GRIP2: variants seen among roughly 807,000 people sequenced by gnomAD.
GRIP2 encodes the protein glutamate receptor-interacting protein 2.
A neutral mutation model predicts 108.3 loss-of-function variants in GRIP2; 58 were observed. That is an observed-to-expected ratio of 0.54 (90% CI 0.43 to 0.67). The LOEUF is 0.67. Among genes scored for constraint, GRIP2 ranks in the 30% least tolerant of loss-of-function variants. The pLI, the probability that GRIP2 is intolerant of heterozygous loss-of-function variation, is 0.00. For synonymous variants in GRIP2, 586 were observed against 598.2 expected (o/e 0.98, Z 0.30); for missense variants, 1,278 against 1,430.6 (o/e 0.89, Z 1.72).
the GRIP2 span, among the ~76,000 whole-genome samples, chr3:14,587,414 T>C: frequency 1.3e-5 from 2 of 152,052 alleles, no homozygotes; most frequent in Middle Eastern, 3.4e-3. Context: ...GTGGATCACC[T>C]GAGGTCAGGA....
At chr3:14,597,414 C>T in the GRIP2 span, among the ~76,000 whole-genome samples, 2 of 152,152 alleles carry the variant, frequency 1.3e-5, no homozygotes, top group Admixed American at 1.3e-4. Context: ...GACAGAGAAG[C>T]CAAGAATGCG....
intron 9 of GRIP2, among the ~76,000 whole-genome samples, chr3:14,519,508 G>A (rs1297856653): frequency 6.6e-6 from 1 of 152,212 alleles, no homozygotes; most frequent in African/African-American, 2.4e-5. Flanking sequence ...GCAAAGATGG[G>A]ACTTTCACTC....
chr3:14,592,903 G>C, the GRIP2 span, among the ~76,000 whole-genome samples: 1 of 152,102 alleles, frequency 6.6e-6, no homozygotes, highest in Non-Finnish European at 1.5e-5. Context: ...CCAGACCAAG[G>C]ACTTGGAGCC....
chr3:14,558,126 C>T (rs916472135), upstream of GRIP2, among the ~76,000 whole-genome samples: 6 of 152,154 alleles, frequency 3.9e-5, no homozygotes, highest in African/African-American at 9.7e-5. Context: ...ATCCTCAGAG[C>T]GCATGAGGGT....
intron 1 of GRIP2, among the ~76,000 whole-genome samples, chr3:14,548,840 T>C (rs1448740789): frequency 6.6e-6 from 1 of 152,208 alleles, no homozygotes. Flanking sequence ...GGCCAGACCA[T>C]GAGAACCAGG....
chr3:14,546,462 G>A (rs1575033528), upstream of GRIP2, among the ~76,000 whole-genome samples: 1 of 152,110 alleles, frequency 6.6e-6, no homozygotes, highest in Non-Finnish European at 1.5e-5. Flanking sequence ...GCACTTGAGA[G>A]GCGGGAGATC....
chr3:14,559,742 T>A (rs1291404929), upstream of GRIP2, among the ~76,000 whole-genome samples: 1 of 152,158 alleles, frequency 6.6e-6, no homozygotes, highest in Non-Finnish European at 1.5e-5. Flanking sequence ...GAAACGGAAC[T>A]GAGGAAGACA....
At chr3:14,574,686 G>A in the GRIP2 span, 1 of 621,010 alleles carries the variant, frequency 1.6e-6, no homozygotes, top group South Asian at 1.4e-5. Context: ...GCTGGCTGGA[G>A]TGAAGCTTCG....
the GRIP2 span, among the ~76,000 whole-genome samples, chr3:14,571,172 G>C: frequency 6.6e-6 from 1 of 152,198 alleles, no homozygotes; most frequent in Non-Finnish European, 1.5e-5. Flanking sequence ...GTGTGTGTGA[G>C]AGAACGTGTC....
chr3:14,523,580 G>A (rs920647894), intron 5 of GRIP2, 32 bp downstream of exon 5: 1 of 1,416,002 alleles, frequency 7.1e-7, no homozygotes, highest in Non-Finnish European at 9.9e-7. Context: ...CTTTCTTGCT[G>A]CCCCAATACC....
upstream of GRIP2, among the ~76,000 whole-genome samples, chr3:14,544,410 G>A (rs1260835786): frequency 1.3e-5 from 2 of 152,172 alleles, no homozygotes; most frequent in Non-Finnish European, 2.9e-5. Flanking sequence ...AGCCCATGCT[G>A]CGCAGATGGG....
rs150343869 is a variant in GRIP2, at chr3:14,505,388, C to T, written c.2573+227G>A. The stretch of plus-strand genomic sequence containing the variant: ...GTTGGGAAGGGCAAACCAGGCTGCT[C>T]TCCACCTCTATACCTTCGTCCCTGC... On this transcript the variant is annotated intron_variant, in intron 20 of 23. Coordinates refer to ENST00000621039, the MANE Select transcript of GRIP2 (RefSeq NM_001080423.4). This position sits in a 1 kb window ranked among gnomAD's most constrained non-coding sequence, Gnocchi z 4.2. Among the ~76,000 whole-genome samples the T allele has an allele frequency of 4.2e-4, 64 of 152,268 alleles. No individual in the cohort carries two copies. In the East Asian group the frequency reaches 8.7e-3, roughly 21 times the overall value.
intron 11 of GRIP2, 146 bp downstream of exon 11, chr3:14,516,918 G>A (rs1392041861): frequency 2.8e-6 from 2 of 705,028 alleles, no homozygotes; most frequent in African/African-American, 3.7e-5. Context: ...ACAGCCTGGT[G>A]TTCCACTCAT....
the GRIP2 span, among the ~76,000 whole-genome samples, chr3:14,568,759 G>A: frequency 6.6e-6 from 1 of 152,220 alleles, no homozygotes; most frequent in South Asian, 2.1e-4. Flanking sequence ...AGCGAGGGAG[G>A]AAGTAGCTAG....
the GRIP2 span, among the ~76,000 whole-genome samples, chr3:14,594,979 C>T: frequency 5.8e-4 from 88 of 152,344 alleles, 1 homozygote; most frequent in East Asian, 0.014. Flanking sequence ...TCACTGCAGC[C>T]TGGAACTCCT....
In GRIP2 at chr3:14,513,785, G is replaced by A. The variant is rs754699499; in HGVS notation, c.1519C>T (p.Arg507Cys). 5.0e-6 allele frequency: 8 copies of A among 1,612,780 alleles called. No individual in the cohort carries two copies. Among genetic ancestry groups the A allele is most frequent in the South Asian group, 2.2e-5 (2 of 90,812 alleles). The change falls in exon 13 of 24, where the codon CGT becomes TGT. Residue 507 changes from arginine (R) to cysteine (C), a missense_variant. By Grantham distance (180) the Arg-to-Cys change is radical. Coordinates refer to ENST00000621039, the MANE Select transcript of GRIP2 (RefSeq NM_001080423.4). ...ERCGLLQVGD[R>C]VLSINGIATE... ...GCAATGCCATTGATGGACAGGACAC[G>A]GTCCCCCACCTGCAGCAGCCCACAC... is the stretch of plus-strand genomic sequence containing the variant.
intron 1 of GRIP2, among the ~76,000 whole-genome samples, chr3:14,532,744 G>C (rs563794591): frequency 6.6e-6 from 1 of 151,280 alleles, no homozygotes; most frequent in African/African-American, 2.4e-5. Context: ...AGGGCTGGGC[G>C]CAGACTGAGT....
upstream of GRIP2, among the ~76,000 whole-genome samples, chr3:14,556,643 A>G (rs1695241042): frequency 2.6e-5 from 4 of 152,182 alleles, no homozygotes; most frequent in South Asian, 8.3e-4. Flanking sequence ...CCCTACAACT[A>G]TAACACGTAG....
intron 1 of GRIP2, among the ~76,000 whole-genome samples, chr3:14,553,113 T>A (rs969062063): frequency 6.6e-6 from 1 of 150,560 alleles, no homozygotes; most frequent in African/African-American, 2.4e-5. Flanking sequence ...TTCCTTTTTT[T>A]TTTTTTTTTT....
Sources: gnomAD v4.1 joint callset for allele counts (sites outside exome capture counted in the v4.1 genomes callset) on GRCh38, gnomAD v4.1.1 for gene constraint, Gnocchi (gnomAD v3.1) non-coding constraint, MANE v1.5 for transcripts, NCBI Gene and HGNC (gene_info 2026-07-23, HGNC 2026-07-21) for gene names.